The following ZC3H12D variants were observed in gnomAD, a reference collection of about 807,000 sequenced individuals.
ZC3H12D encodes zinc finger CCCH-type containing 12D.
In ZC3H12D, 11 loss-of-function variants were observed where a neutral mutation model predicts 24.2. That is an observed-to-expected ratio of 0.46 (90% confidence interval 0.29 to 0.75). The LOEUF is 0.75. Ranked by LOEUF, ZC3H12D falls within the 30% of genes least tolerant of loss-of-function variation. ZC3H12D has a pLI of 0.11. For synonymous variants in ZC3H12D, 333 were observed against 341.8 expected (o/e 0.97, Z 0.28); for missense variants, 740 against 767.7 (o/e 0.96, Z 0.43).
Position 149,451,490 on chromosome 6 carries a change from C to G in ZC3H12D, c.788-11G>C, listed in dbSNP as rs753252610. ...AGGTGCATTTCTTGCCTGAAAGGGG[C>G]GGGGGCAGAGAGGGCGCGACGTGAG... On this transcript the variant is annotated splice_polypyrimidine_tract_variant and intron_variant, in intron 5 of 5. Coordinates refer to ENST00000409806, the MANE Select transcript of ZC3H12D (RefSeq NM_207360.3). The G allele has an allele frequency of 6.4e-7, 1 of 1,557,048 alleles. No homozygotes were observed. Among genetic ancestry groups the G allele is most frequent in the South Asian group, 1.1e-5 (1 of 87,504 alleles).
At chr6:149,465,080 G>A (rs1172086961) in intron 2 of ZC3H12D, among the ~76,000 whole-genome samples, 4 of 152,182 alleles carry the variant, frequency 2.6e-5, no homozygotes, top group Admixed American at 6.5e-5. Context: ...GAAAAAGGAC[G>A]CGGTGGCTCA....
At chr6:149,479,648 G>T (rs982718079) in intron 1 of ZC3H12D, among the ~76,000 whole-genome samples, 1 of 152,106 alleles carries the variant, frequency 6.6e-6, no homozygotes, top group African/African-American at 2.4e-5. Context: ...CTGACCTATT[G>T]CCTCAGAATC....
At chr6:149,472,249 T>C (rs1395280201) in intron 2 of ZC3H12D, among the ~76,000 whole-genome samples, 1 of 152,054 alleles carries the variant, frequency 6.6e-6, no homozygotes, top group Non-Finnish European at 1.5e-5. Context: ...AGGAACAAAT[T>C]AAGTCCTGTG....
chr6:149,468,637 A>C (rs1194423907), intron 2 of ZC3H12D, among the ~76,000 whole-genome samples: 13 of 152,060 alleles, frequency 8.5e-5, no homozygotes, highest in Non-Finnish European at 1.6e-4. Context: ...TCACCAGGAG[A>C]TCTCTCCCCA....
Position 149,461,844 on chromosome 6 carries a change from G to T in ZC3H12D, c.432C>A (p.Asp144Glu). 1 of 1,562,678 alleles carries T rather than the reference G, an allele frequency of 6.4e-7. No homozygotes were observed. The part of the protein sequence containing the change: ...PSWRKDPPRA[D>E]TPIREQHVLA... ...GCTCCAGCATACCTCTGATAGGGGT[G>T]TCAGCTCTTGGTGGGTCCTTCCTCC... Residue 144 changes from aspartate to glutamate, a missense_variant, in exon 3 of 6, where the codon GAC becomes GAA. Transcript: ENST00000409806.
rs145480753 is a variant in ZC3H12D at position 149,452,259 on chromosome 6, G to A, written c.787+357C>T. On this transcript the variant is annotated intron_variant, in intron 5 of 5. Transcript: ENST00000409806. This position sits in a 1 kb window ranked among gnomAD's most constrained non-coding sequence, Gnocchi z 4.0. ...GTGACCAAAGTCCATAGGGTGGAGG[G>A]GTGGAGAGCAGGGTAGGGTGAGGAC... The A allele has an allele frequency of 2.6e-5, 6 of 227,010 alleles. No homozygotes were observed. The highest frequency in any genetic ancestry group is 3.4e-5 in the Non-Finnish European group (4 of 116,922). The allele number at this position is 227,010 out of a possible 1,614,324, so 14.1% of individuals were successfully genotyped here. A position where few individuals can be genotyped will look rare whatever the true frequency, so the allele number is the denominator to read the frequency against.
rs536518068 is a variant in ZC3H12D, at chr6:149,456,987, G to A, written c.446-87C>T. On this transcript the variant is annotated intron_variant, in intron 3 of 5. Coordinates refer to ENST00000409806, the MANE Select transcript of ZC3H12D (RefSeq NM_207360.3). This position sits in a 1 kb window ranked among gnomAD's most constrained non-coding sequence, Gnocchi z 4.3. ...CCCAACGCGAGGCCACCCGCTTCCC[G>A]GGCCGGTCAGATGAGGTTTTGAGGG... 7 of 1,346,812 alleles carry A rather than the reference G, an allele frequency of 5.2e-6. No individual in the cohort carries two copies. Among genetic ancestry groups the A allele is most frequent in the Non-Finnish European group, 6.1e-6 (6 of 984,706 alleles). The allele number at this position is 1,346,812 out of a possible 1,614,324, so 83.4% of individuals were successfully genotyped here.
chr6:149,475,702 T>G (rs1776327900), intron 1 of ZC3H12D, among the ~76,000 whole-genome samples: 3 of 134,470 alleles, frequency 2.2e-5, no homozygotes, highest in Non-Finnish European at 3.1e-5. Flanking sequence ...GCAACAAGAG[T>G]GAAACTCCGT....
At chr6:149,460,554 G>T (rs1776055001) in intron 3 of ZC3H12D, among the ~76,000 whole-genome samples, 1 of 152,146 alleles carries the variant, frequency 6.6e-6, no homozygotes, top group Non-Finnish European at 1.5e-5. Context: ...ACTAGCTAGG[G>T]CAGGGTGCGG....
intron 5 of ZC3H12D, 23 bp from the exon 6 acceptor site, chr6:149,451,502 G>T: frequency 1.3e-6 from 2 of 1,548,672 alleles, no homozygotes; most frequent in South Asian, 1.2e-5. Context: ...GGGGCAGAGA[G>T]GGCGCGACGT....
chr6:149,483,909 T>C (rs1776462285), intron 1 of ZC3H12D, among the ~76,000 whole-genome samples: 1 of 152,188 alleles, frequency 6.6e-6, no homozygotes, highest in Non-Finnish European at 1.5e-5. Flanking sequence ...CCACATCACG[T>C]TTATCTATTC....
chr6:149,474,436 C>G lies in ZC3H12D; in HGVS notation c.108G>C (p.Val36=). 1 of 1,606,272 alleles carries G rather than the reference C, an allele frequency of 6.2e-7. No homozygotes were observed. The highest frequency in any genetic ancestry group is 1.3e-5 in the African/African-American group (1 of 74,916). Residue 36 remains valine, a synonymous_variant, in exon 2 of 6, where the codon GTG becomes GTC. Coordinates refer to ENST00000409806, the MANE Select transcript of ZC3H12D (RefSeq NM_207360.3). ...KLGEGALVND[V]LQELIRTGSR... is the part of the protein sequence containing the mutation. Reference sequence around the variant, plus strand: ...TGCCCGTGCGGATAAGCTCCTGCAGCACGTCGTTGACCAGGGCGCCCTCGC... The same window carrying G: ...TGCCCGTGCGGATAAGCTCCTGCAGGACGTCGTTGACCAGGGCGCCCTCGC...
At chr6:149,480,797 G>A (rs1445731414) in intron 1 of ZC3H12D, among the ~76,000 whole-genome samples, 1 of 148,700 alleles carries the variant, frequency 6.7e-6, no homozygotes. Flanking sequence ...CCTTGGAGGG[G>A]CAGGGAAGGC....
At chr6:149,453,316 C>T (rs1471134281) in intron 4 of ZC3H12D, among the ~76,000 whole-genome samples, 2 of 143,908 alleles carry the variant, frequency 1.4e-5, no homozygotes, top group East Asian at 4.1e-4. Context: ...AAAAAAATGA[C>T]AGCCTCCGAG....
At chr6:149,482,449 C>T (rs1268367278) in intron 1 of ZC3H12D, among the ~76,000 whole-genome samples, 1 of 152,226 alleles carries the variant, frequency 6.6e-6, no homozygotes, top group Non-Finnish European at 1.5e-5. Context: ...AGATGATTAG[C>T]GACAACACTT....
In ZC3H12D at chr6:149,457,780, G is replaced by GA. The variant is rs887450757; in HGVS notation, c.446-881dup. On this transcript the variant is annotated intron_variant, in intron 3 of 5. Transcript: ENST00000409806. The stretch of plus-strand genomic sequence containing the variant: ...GGATTTTGCCTTTGGAGACATGCAG[G>GA]AAAAAAAAAATCCGTTTGACACATA... Among the ~76,000 whole-genome samples the GA allele has an allele frequency of 2.9e-4, 44 of 150,266 alleles. No homozygotes were observed. In the East Asian group the frequency reaches 3.5e-3, roughly 12 times the overall value.
In ZC3H12D at chr6:149,452,034, G is replaced by C. The variant is rs1430243019; in HGVS notation, c.788-555C>G. ...CTATCCAAACCCAAGGCTTCTGAGAGTGAAAGGGGGAAGGAGGAGTCAGCC... is the reference window on the plus strand; with the variant it reads ...CTATCCAAACCCAAGGCTTCTGAGACTGAAAGGGGGAAGGAGGAGTCAGCC... On this transcript the variant is annotated intron_variant, in intron 5 of 5. Coordinates refer to ENST00000409806, the MANE Select transcript of ZC3H12D (RefSeq NM_207360.3). This position sits in a 1 kb window ranked among gnomAD's most constrained non-coding sequence, Gnocchi z 4.0. 1 of 153,154 alleles carries C rather than the reference G, an allele frequency of 6.5e-6. No homozygotes were observed. Among genetic ancestry groups the C allele is most frequent in the African/African-American group, 2.4e-5 (1 of 41,480 alleles). 9.5% of individuals were successfully genotyped at this position (153,154 alleles called of 1,614,324 possible). A position where few individuals can be genotyped will look rare whatever the true frequency, so the allele number is the denominator to read the frequency against.
rs547499412 is a variant in ZC3H12D, at chr6:149,463,294, G to A, written c.306-1324C>T. 7.9e-5 allele frequency among the ~76,000 whole-genome samples: 12 copies of A among 152,360 alleles called. No individual in the cohort carries two copies. In the South Asian group the frequency reaches 1.7e-3, roughly 21 times the overall value. ...AGGCAATAAGGAGAGAGTGGTATGA[G>A]ATCAGGCAGGGCCTTGCAGACATTA... On this transcript the variant is annotated intron_variant, in intron 2 of 5. Transcript: ENST00000409806.
chr6:149,458,040 C>T (rs1051641945), intron 3 of ZC3H12D, among the ~76,000 whole-genome samples: 7 of 150,266 alleles, frequency 4.7e-5, no homozygotes, highest in African/African-American at 1.7e-4. Context: ...TTTAGAACTC[C>T]GTGTTTATGA....
Sources: allele counts gnomAD v4.1 joint callset (sites outside exome capture counted in the v4.1 genomes callset), GRCh38; gene constraint gnomAD v4.1.1; non-coding constraint Gnocchi (gnomAD v3.1); transcripts MANE v1.5; gene names NCBI Gene and HGNC (gene_info 2026-07-23, HGNC 2026-07-21).